Variants in CSMD1 observed in about 807,000 individuals in gnomAD.
CSMD1 encodes CUB and sushi domain-containing protein 1.
In CSMD1, 213 loss-of-function variants were observed where a neutral mutation model predicts 417.5. The observed-to-expected ratio is 0.51, with a 90% CI of 0.46 to 0.57. The LOEUF (loss-of-function observed/expected upper bound fraction) is 0.57, where lower values mean the gene tolerates loss of function less well. Among genes scored for constraint, CSMD1 ranks in the 20% least tolerant of loss-of-function variants. The pLI is 0.00. For missense variants in CSMD1, 6,923 were observed against 4,529.7 expected (o/e 1.53, Z -15.17); for synonymous variants, 2,862 against 1,736.8 (o/e 1.65, Z -16.11).
intron 3 of CSMD1, among the ~76,000 whole-genome samples, chr8:4,419,167 A>T (rs1272974170): frequency 1.3e-5 from 2 of 152,160 alleles, no homozygotes; most frequent in African/African-American, 4.8e-5. Flanking sequence ...ATTGGTTTAC[A>T]CCCCTAACGA....
chr8:3,572,022 G>A (rs747405752), intron 10 of CSMD1, among the ~76,000 whole-genome samples: 3 of 152,168 alleles, frequency 2.0e-5, no homozygotes, highest in Admixed American at 6.5e-5. Flanking sequence ...CAAAAGACGC[G>A]AAAGAAGGGG....
At chr8:4,785,165 G>A (rs769694682) in intron 1 of CSMD1, among the ~76,000 whole-genome samples, 1 of 152,174 alleles carries the variant, frequency 6.6e-6, no homozygotes, top group East Asian at 1.9e-4. Flanking sequence ...CCATAGCTTT[G>A]CTGAATATGA....
At chr8:3,368,487 C>T (rs538917601) in intron 19 of CSMD1, among the ~76,000 whole-genome samples, 2 of 152,254 alleles carry the variant, frequency 1.3e-5, no homozygotes, top group South Asian at 2.1e-4. Context: ...CAGGCATGCA[C>T]CACGATGCCT....
intron 1 of CSMD1, among the ~76,000 whole-genome samples, chr8:4,993,400 C>CCCTCTTTCTCGCCCTGTCTCTCTA (rs1563950136): frequency 6.6e-6 from 1 of 152,196 alleles, no homozygotes; most frequent in Non-Finnish European, 1.5e-5. Flanking sequence ...CTGTCTCTCT[C>CCCTCTTTCTCGCCCTGTCTCTCTA]CCTCTTTCTC....
chr8:4,418,053 T>A (rs768060581), intron 3 of CSMD1, among the ~76,000 whole-genome samples: 6 of 152,050 alleles, frequency 3.9e-5, no homozygotes, highest in Non-Finnish European at 2.9e-5. Context: ...GGAAGCTAAC[T>A]GATAAATAGA....
intron 10 of CSMD1, among the ~76,000 whole-genome samples, chr8:3,494,265 T>C (rs866910733): frequency 1.3e-5 from 2 of 152,346 alleles, no homozygotes; most frequent in South Asian, 2.1e-4. Context: ...AAGAATACTT[T>C]GTCATGATGA....
intron 59 of CSMD1, among the ~76,000 whole-genome samples, chr8:2,964,803 G>A (rs1002191928): frequency 6.6e-6 from 1 of 152,026 alleles, no homozygotes; most frequent in African/African-American, 2.4e-5. Context: ...CCAAGAACAC[G>A]CCCATGTCAG....
chr8:4,613,860 C>CAAAAAAAAA (rs60679775), intron 2 of CSMD1, among the ~76,000 whole-genome samples: 2 of 123,648 alleles, frequency 1.6e-5, no homozygotes, highest in African/African-American at 5.7e-5. Flanking sequence ...TGTCTAATGC[C>CAAAAAAAAA]AAAAAAAAAA....
intron 49 of CSMD1, among the ~76,000 whole-genome samples, chr8:3,086,511 T>C (rs1280559594): frequency 6.6e-6 from 1 of 152,160 alleles, no homozygotes; most frequent in African/African-American, 2.4e-5. Context: ...TAATTCATTA[T>C]GAATATAAAC....
chr8:3,225,141 C>T (rs185477599), intron 27 of CSMD1, among the ~76,000 whole-genome samples: 4 of 152,242 alleles, frequency 2.6e-5, no homozygotes, highest in South Asian at 4.1e-4. Flanking sequence ...AAGGAACATG[C>T]TTCACAATTT....
chr8:4,927,590 G>A (rs760901383), intron 1 of CSMD1, among the ~76,000 whole-genome samples: 3 of 152,134 alleles, frequency 2.0e-5, no homozygotes. Flanking sequence ...ATAGTTCTTA[G>A]AGGTTCTTCA....
intron 3 of CSMD1, among the ~76,000 whole-genome samples, 195 bp from the exon 4 acceptor site, chr8:4,032,294 T>C (rs903899875): frequency 6.6e-6 from 1 of 152,218 alleles, no homozygotes; most frequent in Non-Finnish European, 1.5e-5. Flanking sequence ...ATAACACTTT[T>C]ATAAACATCA....
At chr8:3,475,889 T>C (rs59775765) in intron 11 of CSMD1, among the ~76,000 whole-genome samples, 2,833 of 152,322 alleles carry the variant, frequency 0.019, 102 homozygotes, top group African/African-American at 0.064. Flanking sequence ...TGTGTCAGTG[T>C]TCTTGAAAGC....
chr8:3,865,026 T>C (rs551200729), intron 5 of CSMD1, among the ~76,000 whole-genome samples: 2 of 152,332 alleles, frequency 1.3e-5, no homozygotes, highest in South Asian at 4.2e-4. Context: ...ATCTCCTAAT[T>C]TGTCAAGTAA....
At chr8:4,149,999 T>C (rs1796483664) in intron 3 of CSMD1, among the ~76,000 whole-genome samples, 1 of 152,220 alleles carries the variant, frequency 6.6e-6, no homozygotes, top group African/African-American at 2.4e-5. Flanking sequence ...TCAGAGAGAC[T>C]GATGGATGCC....
intron 3 of CSMD1, among the ~76,000 whole-genome samples, chr8:4,298,685 A>G (rs1797815227): frequency 6.6e-6 from 1 of 152,116 alleles, no homozygotes; most frequent in Non-Finnish European, 1.5e-5. Flanking sequence ...TTTCATTTAC[A>G]TCTTCAGGCT....
At chr8:3,569,701 C>T (rs917500604) in intron 10 of CSMD1, among the ~76,000 whole-genome samples, 8 of 152,096 alleles carry the variant, frequency 5.3e-5, no homozygotes, top group Admixed American at 2.6e-4. Flanking sequence ...AATTGAGAAA[C>T]CCACTTACTT....
chr8:4,265,911 G>A (rs10104751), intron 3 of CSMD1, among the ~76,000 whole-genome samples: 2,209 of 104,046 alleles, frequency 0.021, 385 homozygotes, highest in African/African-American at 0.052. Flanking sequence ...AATAAAATGT[G>A]AAGAAATAGA....
intron 3 of CSMD1, among the ~76,000 whole-genome samples, chr8:4,415,627 A>G (rs1196123770): frequency 6.6e-6 from 1 of 152,202 alleles, no homozygotes; most frequent in African/African-American, 2.4e-5. Flanking sequence ...AATAAGCAGT[A>G]TTCATTTCAT....
Sources: gnomAD v4.1 joint callset for allele counts (sites outside exome capture counted in the v4.1 genomes callset) on GRCh38, gnomAD v4.1.1 for gene constraint, MANE v1.5 for transcripts, NCBI Gene and HGNC (gene_info 2026-07-23, HGNC 2026-07-21) for gene names.